Variants in UNC5D observed in about 807,000 individuals in gnomAD.
UNC5D encodes netrin receptor UNC5D.
Under a neutral mutation model 105.4 loss-of-function variants are expected in UNC5D, and 39 were observed. The ratio of observed to expected loss-of-function variants is 0.37; its 90% CI spans 0.29 to 0.48. UNC5D has a LOEUF of 0.48. UNC5D is among the 20% of genes least tolerant of loss of function. The pLI, the probability that UNC5D is intolerant of heterozygous loss-of-function variation, is 0.98. For synonymous variants in UNC5D, 452 were observed against 450.4 expected, an observed-to-expected ratio of 1.00 and a Z score of -0.04; for missense variants, 991 against 1,202.4, an observed-to-expected ratio of 0.82 and a Z score of 2.60.
chr8:35,749,181 G>A (rs1369795401), intron 12 of UNC5D, among the ~76,000 whole-genome samples: 1 of 152,156 alleles, frequency 6.6e-6, no homozygotes, highest in Non-Finnish European at 1.5e-5. Flanking sequence ...GTTAACGAAT[G>A]CATTGAGAAT....
chr8:35,322,575 T>C (rs953703062), intron 1 of UNC5D, among the ~76,000 whole-genome samples: 1 of 152,224 alleles, frequency 6.6e-6, no homozygotes, highest in African/African-American at 2.4e-5. Flanking sequence ...TGAAGCAGTG[T>C]GCTTTCAGCC....
At chr8:35,411,857 G>T (rs1373674216) in intron 1 of UNC5D, among the ~76,000 whole-genome samples, 1 of 151,906 alleles carries the variant, frequency 6.6e-6, no homozygotes, top group Non-Finnish European at 1.5e-5. Flanking sequence ...TTTTAAAAGT[G>T]TTCAATATGT....
intron 1 of UNC5D, among the ~76,000 whole-genome samples, chr8:35,464,728 T>C (rs1374393748): frequency 6.6e-6 from 1 of 152,256 alleles, no homozygotes; most frequent in African/African-American, 2.4e-5. Context: ...GCCCATTTTA[T>C]TGACTCATGT....
At chr8:35,489,509 T>C (rs1273465741) in intron 1 of UNC5D, among the ~76,000 whole-genome samples, 2 of 152,092 alleles carry the variant, frequency 1.3e-5, no homozygotes, top group Non-Finnish European at 2.9e-5. Flanking sequence ...GAATAGAAAT[T>C]TGGACACAGA....
At chr8:35,363,633 G>A (rs1801963200) in intron 1 of UNC5D, among the ~76,000 whole-genome samples, 1 of 152,070 alleles carries the variant, frequency 6.6e-6, no homozygotes, top group Admixed American at 6.6e-5. Flanking sequence ...ATCTTAATTT[G>A]TCCCATTATT....
intron 16 of UNC5D, among the ~76,000 whole-genome samples, chr8:35,780,801 A>G (rs1157438170): frequency 6.6e-6 from 1 of 152,212 alleles, no homozygotes; most frequent in African/African-American, 2.4e-5. Context: ...TGCCATTTCC[A>G]AAAAATCAGC....
At chr8:35,252,183 T>G (rs555817312) in intron 1 of UNC5D, among the ~76,000 whole-genome samples, 25 of 152,092 alleles carry the variant, frequency 1.6e-4, no homozygotes, top group Non-Finnish European at 3.5e-4. Context: ...TGGTTCTTTA[T>G]TTATGAAAAG....
chr8:35,542,086 G>A (rs754224288), intron 1 of UNC5D, among the ~76,000 whole-genome samples: 6 of 152,134 alleles, frequency 3.9e-5, no homozygotes, highest in South Asian at 2.1e-4. Context: ...TGATGCAAAC[G>A]CAATGATATA....
chr8:35,567,166 C>T (rs1163765508), intron 2 of UNC5D, among the ~76,000 whole-genome samples: 1 of 152,078 alleles, frequency 6.6e-6, no homozygotes, highest in Non-Finnish European at 1.5e-5. Flanking sequence ...TATAAAAACC[C>T]CCCTTTCTTC....
At chr8:35,246,063 C>T (rs1803073960) in intron 1 of UNC5D, among the ~76,000 whole-genome samples, 1 of 152,064 alleles carries the variant, frequency 6.6e-6, no homozygotes, top group African/African-American at 2.4e-5. Flanking sequence ...TCCATTTAAG[C>T]AATGTGGGGG....
intron 1 of UNC5D, among the ~76,000 whole-genome samples, chr8:35,268,393 T>C (rs1453736400): frequency 6.6e-6 from 1 of 152,100 alleles, no homozygotes. Context: ...TACAATGTCT[T>C]TTTCCACTCT....
intron 3 of UNC5D, among the ~76,000 whole-genome samples, chr8:35,580,748 A>T (rs528370677): frequency 3.9e-5 from 6 of 152,290 alleles, no homozygotes; most frequent in African/African-American, 1.4e-4. Flanking sequence ...ATTAGTGTGG[A>T]TGTAGGAATC....
chr8:35,455,333 C>G (rs1286801031), intron 1 of UNC5D, among the ~76,000 whole-genome samples: 1 of 149,266 alleles, frequency 6.7e-6, no homozygotes, highest in Non-Finnish European at 1.5e-5. Context: ...GGGTGGGGTA[C>G]AGTGGTGAAA....
At chr8:35,467,343 G>A (rs1809379127) in intron 1 of UNC5D, among the ~76,000 whole-genome samples, 1 of 152,150 alleles carries the variant, frequency 6.6e-6, no homozygotes, top group Non-Finnish European at 1.5e-5. Flanking sequence ...GGAAGATGAG[G>A]AAGTGGGAAG....
intron 3 of UNC5D, among the ~76,000 whole-genome samples, chr8:35,590,907 C>T (rs543021245): frequency 1.5e-4 from 23 of 152,166 alleles, no homozygotes; most frequent in Admixed American, 7.9e-4. Context: ...TAAGTTCATA[C>T]CATTGGTTAT....
chr8:35,280,496 T>C (rs1439465721), intron 1 of UNC5D, among the ~76,000 whole-genome samples: 1 of 152,204 alleles, frequency 6.6e-6, no homozygotes, highest in Non-Finnish European at 1.5e-5. Flanking sequence ...TGAGATTCTG[T>C]GTGGGTATTG....
At chr8:35,388,600 C>A (rs562411289) in intron 1 of UNC5D, among the ~76,000 whole-genome samples, 2 of 152,262 alleles carry the variant, frequency 1.3e-5, no homozygotes, top group East Asian at 3.9e-4. Context: ...CGGGCAAGTA[C>A]ATAGTATGGT....
At chr8:35,534,723 A>G (rs541918645) in intron 1 of UNC5D, among the ~76,000 whole-genome samples, 2 of 151,994 alleles carry the variant, frequency 1.3e-5, no homozygotes, top group Non-Finnish European at 2.9e-5. Context: ...AATATTTGAA[A>G]TGCTCAAAGA....
chr8:35,267,964 C>A (rs1041254793), intron 1 of UNC5D, among the ~76,000 whole-genome samples: 1 of 151,938 alleles, frequency 6.6e-6, no homozygotes, highest in African/African-American at 2.4e-5. Flanking sequence ...TTCTCATCAT[C>A]ATAAAAATGA....
Sources: gnomAD v4.1 joint callset for allele counts (sites outside exome capture counted in the v4.1 genomes callset) on GRCh38, gnomAD v4.1.1 for gene constraint, MANE v1.5 for transcripts, NCBI Gene and HGNC (gene_info 2026-07-23, HGNC 2026-07-21) for gene names.